Variants in NAALADL2 observed in about 807,000 individuals in gnomAD.
NAALADL2 encodes the protein inactive N-acetylated-alpha-linked acidic dipeptidase-like protein 2.
A neutral mutation model predicts 87.2 loss-of-function variants in NAALADL2; 76 were observed. The observed-to-expected ratio is 0.87, with a 90% CI of 0.72 to 1.05. The LOEUF (loss-of-function observed/expected upper bound fraction) is 1.05, where lower values mean the gene tolerates loss of function less well. Ranked by LOEUF, NAALADL2 falls within the 50% of genes least tolerant of loss-of-function variation. The pLI, the probability that NAALADL2 is intolerant of heterozygous loss-of-function variation, is 0.00. For synonymous variants in NAALADL2, 354 were observed against 331.0 expected (o/e 1.07, Z -0.75); for missense variants, 1,089 against 945.8 (o/e 1.15, Z -1.99).
chr3:174,536,323 T>C (rs1172915460), intron 1 of NAALADL2, among the ~76,000 whole-genome samples: 4 of 152,138 alleles, frequency 2.6e-5, no homozygotes, highest in African/African-American at 9.7e-5. Flanking sequence ...GTTTAGTTTT[T>C]CATAGAGATA....
At chr3:175,302,844 G>A (rs1341136321) in intron 4 of NAALADL2, among the ~76,000 whole-genome samples, 1 of 143,714 alleles carries the variant, frequency 7.0e-6, no homozygotes, top group African/African-American at 2.7e-5. Flanking sequence ...ATATATGTGT[G>A]TGTATGTGTG....
chr3:175,324,908 A>G (rs1334997845), intron 5 of NAALADL2, among the ~76,000 whole-genome samples: 2 of 152,200 alleles, frequency 1.3e-5, no homozygotes, highest in Non-Finnish European at 2.9e-5. Context: ...AGCTCTGTTC[A>G]TGATAGTAGG....
intron 1 of NAALADL2, among the ~76,000 whole-genome samples, chr3:174,545,438 C>A (rs1378102762): frequency 6.6e-6 from 1 of 152,148 alleles, no homozygotes; most frequent in Non-Finnish European, 1.5e-5. Context: ...TTCTTACATG[C>A]CTGAAATGTC....
Position 175,804,063 on chromosome 3 carries a change from G to T in NAALADL2, c.*860G>T, listed in dbSNP as rs77833903. The T allele has an allele frequency of 0.035, 5,381 of 151,900 alleles. 123 individuals are homozygous for T. Among genetic ancestry groups the T allele is most frequent in the South Asian group, 0.069 (332 of 4,826 alleles). The allele number at this position is 151,900 out of a possible 1,614,324, so 9.4% of individuals were successfully genotyped here. ...GCATCTCACATTGGTTTTCTTTCTTGTATCTTTTCTGAAACTCCTTGCTGT... is the reference window on the plus strand; with the variant it reads ...GCATCTCACATTGGTTTTCTTTCTTTTATCTTTTCTGAAACTCCTTGCTGT... On this transcript the variant is annotated 3_prime_UTR_variant, in exon 14 of 14. Coordinates refer to ENST00000454872, the MANE Select transcript of NAALADL2 (RefSeq NM_207015.3).
intron 13 of NAALADL2, among the ~76,000 whole-genome samples, chr3:175,789,722 A>G (rs75275749): frequency 0.019 from 2,932 of 152,210 alleles, 68 homozygotes; most frequent in African/African-American, 0.06. Flanking sequence ...TATTTTCTGC[A>G]TATGTTAAAT....
At chr3:174,493,951 A>G (rs950642794) in intron 1 of NAALADL2, among the ~76,000 whole-genome samples, 3 of 152,198 alleles carry the variant, frequency 2.0e-5, no homozygotes, top group Non-Finnish European at 4.4e-5. Context: ...ATTAGAGATC[A>G]AACAGTCAAC....
chr3:175,083,462 A>G (rs72622551), intron 1 of NAALADL2, among the ~76,000 whole-genome samples: 12,390 of 152,292 alleles, frequency 0.081, 527 homozygotes, highest in Middle Eastern at 0.12. Flanking sequence ...ATTAATAACT[A>G]GTACTTAAAC....
At position 174,456,411 on chromosome 3, in the gene NAALADL2, CAAAAAAAA is replaced by C. The variant is rs59833697; in HGVS notation, c.-184+15396_-184+15403del. ...AATCAACAGCCAAGGCAATCCTAAGCAAAAAAAAAAAAAAAAAAAAAAAATCAGGAAGC... is the reference window on the plus strand; with the variant it reads ...AATCAACAGCCAAGGCAATCCTAAGCAAAAAAAAAAAAAAAATCAGGAAGC... On this transcript the variant is annotated intron_variant, in intron 1 of 3. Transcript: ENST00000434257. Among the ~76,000 whole-genome samples the C allele has an allele frequency of 8.1e-3, 456 of 56,412 alleles. 1 individual carries two copies. Among genetic ancestry groups the C allele is most frequent in the South Asian group, 0.042 (58 of 1,390 alleles). 37.0% of individuals were successfully genotyped at this position (56,412 alleles called of 152,430 possible).
chr3:175,687,240 G>T (rs1475478921), intron 11 of NAALADL2, among the ~76,000 whole-genome samples: 6 of 152,112 alleles, frequency 3.9e-5, no homozygotes, highest in Non-Finnish European at 8.8e-5. Context: ...ATTTAGAAAT[G>T]AGATGTGATT....
At chr3:175,202,912 T>G (rs1740264519) in intron 2 of NAALADL2, among the ~76,000 whole-genome samples, 1 of 151,918 alleles carries the variant, frequency 6.6e-6, no homozygotes, top group Non-Finnish European at 1.5e-5. Flanking sequence ...AGGGTGCCAG[T>G]TAAGGCCTCA....
chr3:174,827,178 G>A (rs568139300), intron 3 of NAALADL2, among the ~76,000 whole-genome samples: 1 of 152,106 alleles, frequency 6.6e-6, no homozygotes, highest in Admixed American at 6.5e-5. Flanking sequence ...GTAACTTTAA[G>A]TCATAAACAT....
At chr3:175,497,769 G>A (rs1008734755) in intron 9 of NAALADL2, among the ~76,000 whole-genome samples, 1 of 152,036 alleles carries the variant, frequency 6.6e-6, no homozygotes, top group Admixed American at 6.6e-5. Flanking sequence ...AAATGCATAT[G>A]CAGTATATAA....
At chr3:174,619,437 G>A (rs1281037526) in intron 2 of NAALADL2, among the ~76,000 whole-genome samples, 1 of 151,890 alleles carries the variant, frequency 6.6e-6, no homozygotes, top group African/African-American at 2.4e-5. Context: ...TCCCTAGAGT[G>A]TGTGCTTTAG....
At chr3:174,827,809 A>G (rs914416142) in intron 3 of NAALADL2, among the ~76,000 whole-genome samples, 3 of 152,112 alleles carry the variant, frequency 2.0e-5, no homozygotes, top group Non-Finnish European at 4.4e-5. Flanking sequence ...TTACCATCCA[A>G]TTGTAGCAAA....
chr3:174,448,274 A>G (rs1422888007), intron 1 of NAALADL2, among the ~76,000 whole-genome samples: 1 of 152,188 alleles, frequency 6.6e-6, no homozygotes, highest in African/African-American at 2.4e-5. Flanking sequence ...CATTGATACA[A>G]TGTGTGTGTA....
intron 3 of NAALADL2, among the ~76,000 whole-genome samples, chr3:174,806,388 C>T (rs990825145): frequency 1.3e-5 from 2 of 152,110 alleles, no homozygotes; most frequent in African/African-American, 2.4e-5. Flanking sequence ...CTTTGTAAGT[C>T]GGTCAATGGA....
At chr3:175,206,145 A>C (rs1740803765) in intron 2 of NAALADL2, among the ~76,000 whole-genome samples, 1 of 151,172 alleles carries the variant, frequency 6.6e-6, no homozygotes, top group Admixed American at 6.6e-5. Flanking sequence ...ATACTTGCAC[A>C]TGCATGCTTA....
At chr3:175,204,726 GAT>G (rs1200396251) in intron 2 of NAALADL2, among the ~76,000 whole-genome samples, 3 of 152,112 alleles carry the variant, frequency 2.0e-5, no homozygotes, top group African/African-American at 7.2e-5. Flanking sequence ...TCCTAGAACT[GAT>G]ATAAGAATTC....
chr3:175,564,332 A>T (rs1716762447), intron 9 of NAALADL2, among the ~76,000 whole-genome samples: 1 of 152,180 alleles, frequency 6.6e-6, no homozygotes, highest in Non-Finnish European at 1.5e-5. Flanking sequence ...CTTTTTAAAA[A>T]ATACGTGATT....
Sources: gnomAD v4.1 joint callset for allele counts (sites outside exome capture counted in the v4.1 genomes callset) on GRCh38, gnomAD v4.1.1 for gene constraint, MANE v1.5 for transcripts, NCBI Gene and HGNC (gene_info 2026-07-23, HGNC 2026-07-21) for gene names.